NDEL1: variants seen among roughly 807,000 people sequenced by gnomAD.
NDEL1 encodes nuclear distribution protein nudE-like 1.
NDEL1 carries 9 observed loss-of-function variants against 45.7 expected under a neutral mutation model. That is an observed-to-expected ratio of 0.20 (90% CI 0.12 to 0.34). NDEL1 has a LOEUF of 0.34. NDEL1 is among the 10% of genes least tolerant of loss of function. The probability of loss-of-function intolerance (pLI) is 1.00; values close to 1 mark genes in which losing one functional copy is unlikely to be tolerated. For synonymous variants in NDEL1, 133 were observed against 158.6 expected (o/e 0.84, Z 1.21); for missense variants, 306 against 406.2 (o/e 0.75, Z 2.12).
At chr17:8,417,264 G>A (rs899239338) in intron 1 of NDEL1, among the ~76,000 whole-genome samples, 2 of 152,038 alleles carry the variant, frequency 1.3e-5, no homozygotes, top group Non-Finnish European at 2.9e-5. Flanking sequence ...TTACAGGCAT[G>A]TGCCACCATG....
chr17:8,456,108 A>C (rs552810358), intron 7 of NDEL1, among the ~76,000 whole-genome samples: 1 of 152,354 alleles, frequency 6.6e-6, no homozygotes, highest in South Asian at 2.1e-4. Flanking sequence ...CTTTCTAAAA[A>C]ATGTAGAAAT....
intron 8 of NDEL1, among the ~76,000 whole-genome samples, chr17:8,461,720 T>C (rs560909170): frequency 4.6e-4 from 70 of 152,344 alleles, no homozygotes; most frequent in South Asian, 4.6e-3. Context: ...CTGAATGATA[T>C]GGAGAACTTT....
intron 1 of NDEL1, among the ~76,000 whole-genome samples, chr17:8,424,285 C>G (rs1190633039): frequency 1.3e-5 from 2 of 152,160 alleles, no homozygotes. Context: ...AACGTTGTTA[C>G]CATTTGGTTA....
At chr17:8,415,318 A>G in intron 1 of NDEL1, among the ~76,000 whole-genome samples, 1 of 151,812 alleles carries the variant, frequency 6.6e-6, no homozygotes, top group East Asian at 1.9e-4. Flanking sequence ...AGCTGGGGCC[A>G]CAGGTGTCTG....
chr17:8,474,009 C>T (rs1217837501), intron 3 of NDEL1, among the ~76,000 whole-genome samples: 1 of 152,172 alleles, frequency 6.6e-6, no homozygotes, highest in Non-Finnish European at 1.5e-5. Flanking sequence ...CTTCCTAGTG[C>T]GTGTGCATCC....
chr17:8,473,455 G>A (rs113678868), intron 3 of NDEL1, among the ~76,000 whole-genome samples: 1,751 of 152,238 alleles, frequency 0.012, 40 homozygotes, highest in African/African-American at 0.039. Flanking sequence ...CCAAAGTGCC[G>A]GGATTACAGG....
At chr17:8,436,101 G>A (rs951634040) in intron 1 of NDEL1, 56 bp downstream of exon 1, 2 of 326,950 alleles carry the variant, frequency 6.1e-6, no homozygotes, top group Non-Finnish European at 1.2e-5. Flanking sequence ...CGGCGGCGCC[G>A]AGGCCTGCCC....
chr17:8,431,601 A>G (rs1379391879), upstream of NDEL1, among the ~76,000 whole-genome samples: 2 of 152,250 alleles, frequency 1.3e-5, no homozygotes, highest in South Asian at 2.1e-4. Context: ...CAATTCGAAC[A>G]GGGTGGGTTT....
rs572542235 is a variant in NDEL1 at position 8,445,991 on chromosome 17, T to C, written c.240+127T>C. On this transcript the variant is annotated intron_variant, in intron 3 of 8. Transcript: ENST00000334527. ...TTGAAAAAAACGCTTAAAGTGAATT[T>C]TTGAATAAAATGTTTTCTTTCACGG... is the stretch of plus-strand genomic sequence containing the variant. The C allele has an allele frequency of 5.8e-5, 57 of 977,272 alleles. No individual in the cohort carries two copies. In the East Asian group the frequency reaches 1.8e-3, roughly 30 times the overall value. The allele number at this position is 977,272 out of a possible 1,614,324, so 60.5% of individuals were successfully genotyped here.
rs768311779 is a variant in NDEL1, at chr17:8,446,785, A to G, written c.272A>G (p.Tyr91Cys). 2 of 1,614,222 alleles carry G rather than the reference A, an allele frequency of 1.2e-6. No homozygotes were observed. Among genetic ancestry groups the G allele is most frequent in the South Asian group, 2.2e-5 (2 of 91,086 alleles). The change falls in exon 4 of 9, where the codon TAT becomes TGT. Residue 91 changes from tyrosine (Y) to cysteine (C), a missense_variant. Physicochemically the swap from Tyr to Cys is radical, Grantham distance 194. Coordinates refer to ENST00000334527, the MANE Select transcript of NDEL1 (RefSeq NM_030808.5). Reference protein sequence around the residue: ...EKLEHQYAQSYKQVSVLEDDL... With the variant: ...EKLEHQYAQSCKQVSVLEDDL... ...CTAGAGCATCAATATGCACAGAGCT[A>G]TAAGCAGGTCTCAGTGTTAGAAGAT... is the stretch of plus-strand genomic sequence containing the variant.
At chr17:8,468,832 T>C (rs1261109705), downstream of NDEL1, among the ~76,000 whole-genome samples, 1 of 152,212 alleles carries the variant, frequency 6.6e-6, no homozygotes, top group Non-Finnish European at 1.5e-5. Flanking sequence ...GGTGAAACCC[T>C]GTCTCTACTA....
intron 1 of NDEL1, among the ~76,000 whole-genome samples, chr17:8,419,109 C>T (rs901773273): frequency 2.0e-5 from 3 of 152,190 alleles, no homozygotes; most frequent in Non-Finnish European, 4.4e-5. Flanking sequence ...CTGGGGCTCT[C>T]AGAGTGCTGG....
chr17:8,430,931 G>C (rs1908984785), upstream of NDEL1, among the ~76,000 whole-genome samples: 1 of 152,216 alleles, frequency 6.6e-6, no homozygotes. Context: ...AACCACAAGG[G>C]GGAAGGAATT....
chr17:8,469,147 C>T (rs1028343903), downstream of NDEL1, among the ~76,000 whole-genome samples: 2 of 152,114 alleles, frequency 1.3e-5, no homozygotes, highest in Admixed American at 6.5e-5. Context: ...GGGACACTCG[C>T]GGTGGGTGTG....
chr17:8,442,689 AT>A (rs58152673), intron 1 of NDEL1, among the ~76,000 whole-genome samples: 253 of 130,368 alleles, frequency 1.9e-3, no homozygotes, highest in Middle Eastern at 4.5e-3. Flanking sequence ...CTTTAAAAAG[AT>A]TTTTTTTTTT....
intron 1 of NDEL1, among the ~76,000 whole-genome samples, chr17:8,425,966 A>G (rs1468158100): frequency 6.6e-6 from 1 of 151,868 alleles, no homozygotes; most frequent in African/African-American, 2.4e-5. Context: ...TAATTTTTAA[A>G]TTTACGTGGA....
chr17:8,468,648 G>T (rs923095041), downstream of NDEL1, among the ~76,000 whole-genome samples: 4 of 152,248 alleles, frequency 2.6e-5, no homozygotes, highest in Non-Finnish European at 5.9e-5. Flanking sequence ...TAAACTGGGG[G>T]TCTGTGTGAA....
intron 1 of NDEL1, among the ~76,000 whole-genome samples, chr17:8,429,156 C>G (rs1908940572): frequency 6.6e-6 from 1 of 152,158 alleles, no homozygotes. Context: ...TTCAGCCTTT[C>G]ATACCAGCGA....
rs1386429897 is a variant in NDEL1, at chr17:8,444,276, A to C, written c.5A>C (p.Asp2Ala). 6.2e-7 allele frequency: 1 copy of C among 1,607,550 alleles called. No individual in the cohort carries two copies. ...ATTTCACAGGCTTTCTTGATCATGG[A>C]TGGTGAAGATATACCAGATTTTTCA... M[D>A]GEDIPDFSSL... Residue 2 changes from aspartate (D) to alanine (A), a missense_variant, in exon 2 of 9, where the codon GAT (aspartate) becomes GCT (alanine). This residue lies in a region of NDEL1 where 112 missense variants were observed against 148.3 expected (regional missense o/e 0.76). Coordinates refer to ENST00000334527, the MANE Select transcript of NDEL1 (RefSeq NM_030808.5).
Sources: gnomAD v4.1 joint callset for allele counts (sites outside exome capture counted in the v4.1 genomes callset) on GRCh38, gnomAD v4.1.1 for gene constraint, gnomAD v4.1.1 regional missense constraint, MANE v1.5 for transcripts, NCBI Gene and HGNC (gene_info 2026-07-23, HGNC 2026-07-21) for gene names.